The following FAM3D variants were observed in gnomAD, a reference collection of about 807,000 sequenced individuals.
FAM3D encodes protein FAM3D.
FAM3D carries 26 observed loss-of-function variants against 29.8 expected under a neutral mutation model. The ratio of observed to expected loss-of-function variants is 0.87; its 90% CI spans 0.64 to 1.21. The LOEUF (loss-of-function observed/expected upper bound fraction) is 1.21. Ranked by LOEUF, FAM3D falls within the 50% of genes most tolerant of loss-of-function variation. The probability of loss-of-function intolerance (pLI) is 0.00; values close to 1 mark genes in which losing one functional copy is unlikely to be tolerated. For missense variants in FAM3D, 253 were observed against 290.9 expected (o/e 0.87, Z 0.95); for synonymous variants, 115 against 102.3 (o/e 1.12, Z -0.75).
At chr3:58,640,239 C>A in intron 6 of FAM3D, 62 bp from the exon 7 acceptor site, 2 of 1,554,572 alleles carry the variant, frequency 1.3e-6, no homozygotes, top group Non-Finnish European at 8.9e-7. Flanking sequence ...TGTCGTTCTG[C>A]TGAAAATGCC....
At chr3:58,653,513 C>T (rs1456099329) in intron 3 of FAM3D, among the ~76,000 whole-genome samples, 161 bp downstream of exon 3, 2 of 152,228 alleles carry the variant, frequency 1.3e-5, no homozygotes, top group Non-Finnish European at 2.9e-5. Context: ...TCCACCCTTC[C>T]TGGTAGTCTG....
chr3:58,656,481 G>A (rs139240962), intron 1 of FAM3D, among the ~76,000 whole-genome samples: 1 of 152,184 alleles, frequency 6.6e-6, no homozygotes, highest in Non-Finnish European at 1.5e-5. Context: ...TCAGTTCTGA[G>A]CAGGGCAGGG....
chr3:58,656,901 G>A (rs1413173385), intron 1 of FAM3D, among the ~76,000 whole-genome samples: 1 of 152,100 alleles, frequency 6.6e-6, no homozygotes, highest in African/African-American at 2.4e-5. Flanking sequence ...AGTCCTTAAT[G>A]TTTAAGCAAC....
At chr3:58,666,153 G>T (rs550332403) in intron 1 of FAM3D, among the ~76,000 whole-genome samples, 27 of 151,982 alleles carry the variant, frequency 1.8e-4, no homozygotes, top group African/African-American at 5.3e-4. Context: ...GTGTTTTTTT[G>T]AATCAATAGA....
intron 1 of FAM3D, 81 bp downstream of exon 1, chr3:58,666,495 C>G (rs1320619193): frequency 6.6e-6 from 1 of 152,186 alleles, no homozygotes; most frequent in Non-Finnish European, 1.5e-5. Context: ...TCCTATTTCC[C>G]ACCCTCCCCA....
At chr3:58,651,155 T>C (rs1329094125) in intron 3 of FAM3D, among the ~76,000 whole-genome samples, 1 of 152,216 alleles carries the variant, frequency 6.6e-6, no homozygotes, top group Admixed American at 6.5e-5. Flanking sequence ...TCACTTCCCT[T>C]GAGACACTTA....
intron 7 of FAM3D, 88 bp downstream of exon 7, chr3:58,640,039 G>C (rs955822389): frequency 1.2e-5 from 17 of 1,442,792 alleles, no homozygotes; most frequent in East Asian, 4.5e-5. Context: ...CAGGTACCTC[G>C]AGCCACCAGG....
rs147938012 is a variant in FAM3D, at chr3:58,663,001, C to T, written c.-39+3575G>A. ...GCAACCTCCGCCTCCCGAGTTCAAG[C>T]GATTCTCCTGCCTCAGCCTCCCCAG... is the stretch of plus-strand genomic sequence containing the variant. On this transcript the variant is annotated intron_variant, in intron 1 of 9. Coordinates refer to ENST00000358781, the MANE Select transcript of FAM3D (RefSeq NM_138805.3). Among the ~76,000 whole-genome samples, 1,019 of 152,336 alleles carry T rather than the reference C, an allele frequency of 6.7e-3. 20 individuals are homozygous for T. The highest frequency in any genetic ancestry group is 0.044 in the Admixed American group (678 of 15,302).
chr3:58,666,347 CA>C (rs1428851612), intron 1 of FAM3D, among the ~76,000 whole-genome samples: 2 of 152,210 alleles, frequency 1.3e-5, no homozygotes, highest in African/African-American at 2.4e-5. Context: ...TCCTTTTTAT[CA>C]CAGTCTAATT....
At chr3:58,638,534 G>A (rs2066239463) in intron 7 of FAM3D, among the ~76,000 whole-genome samples, 1 of 152,210 alleles carries the variant, frequency 6.6e-6, no homozygotes, top group East Asian at 1.9e-4. Flanking sequence ...TAGCAGGATT[G>A]GCAGCATAAT....
At chr3:58,659,885 T>C (rs1439086354) in intron 1 of FAM3D, among the ~76,000 whole-genome samples, 1 of 152,234 alleles carries the variant, frequency 6.6e-6, no homozygotes, top group Non-Finnish European at 1.5e-5. Flanking sequence ...TAGTCTCTTC[T>C]GGAAATCCAA....
chr3:58,655,592 C>A lies in FAM3D; in HGVS notation c.-29G>T, dbSNP rs2106913469. Reference sequence around the variant, plus strand: ...GTCCAGGTGAAGGGTGGCTTGGGGTCAGCTTCCACCTATGGAGAGAAGAAA... The same window carrying A: ...GTCCAGGTGAAGGGTGGCTTGGGGTAAGCTTCCACCTATGGAGAGAAGAAA... On this transcript the variant is annotated 5_prime_UTR_variant, in exon 2 of 10. Coordinates refer to ENST00000358781, the MANE Select transcript of FAM3D (RefSeq NM_138805.3). 6.2e-7 allele frequency: 1 copy of A among 1,612,304 alleles called. No individual in the cohort carries two copies. The highest frequency in any genetic ancestry group is 8.5e-7 in the Non-Finnish European group (1 of 1,179,116).
chr3:58,639,987 C>T, intron 7 of FAM3D, 140 bp downstream of exon 7: 1 of 833,892 alleles, frequency 1.2e-6, no homozygotes, highest in Non-Finnish European at 2.0e-6. Flanking sequence ...CCTCAACCCC[C>T]CACCGCACCT....
At chr3:58,649,910 C>A (rs1480558457) in intron 3 of FAM3D, among the ~76,000 whole-genome samples, 57 of 152,202 alleles carry the variant, frequency 3.7e-4, no homozygotes, top group Non-Finnish European at 2.9e-5. Context: ...GGAGGGGACC[C>A]AGTGAGATCA....
Position 58,634,545 on chromosome 3 carries a change from G to A in FAM3D, c.586-177C>T. The A allele has an allele frequency of 5.1e-6, 3 of 587,400 alleles. No homozygotes were observed. 36.4% of individuals were successfully genotyped at this position (587,400 alleles called of 1,614,324 possible). ...GCAACTTGCTCAAGATCTCAGAGAT[G>A]GGATCAGAGCCCAGTTAACTGCTCT... On this transcript the variant is annotated intron_variant, in intron 9 of 9. Coordinates refer to ENST00000358781, the MANE Select transcript of FAM3D (RefSeq NM_138805.3). This position sits in a 1 kb window ranked among gnomAD's most constrained non-coding sequence, Gnocchi z 4.6.
chr3:58,637,882 A>ATTATTATTATTT (rs2066219301), intron 7 of FAM3D, among the ~76,000 whole-genome samples: 1 of 150,128 alleles, frequency 6.7e-6, no homozygotes, highest in Admixed American at 6.6e-5. Flanking sequence ...CCTTGTGATT[A>ATTATTATTATTT]TTATTATTAT....
intron 8 of FAM3D, 151 bp downstream of exon 8, chr3:58,636,990 T>G: frequency 1.5e-6 from 1 of 685,470 alleles, no homozygotes; most frequent in Non-Finnish European, 2.5e-6. Flanking sequence ...ATGAACCTCC[T>G]AGAACATTTC....
At chr3:58,661,824 G>A (rs1035092616) in intron 1 of FAM3D, among the ~76,000 whole-genome samples, 2 of 152,200 alleles carry the variant, frequency 1.3e-5, no homozygotes, top group African/African-American at 4.8e-5. Flanking sequence ...AGGCTTTCTT[G>A]CCCTCTCCCT....
In FAM3D at chr3:58,633,960, A is replaced by C; in HGVS notation, c.*319T>G. The C allele has an allele frequency of 3.3e-6, 1 of 298,802 alleles. No homozygotes were observed. The highest frequency in any genetic ancestry group is 7.5e-5 in the East Asian group (1 of 13,338). 18.5% of individuals were successfully genotyped at this position (298,802 alleles called of 1,614,324 possible). On this transcript the variant is annotated 3_prime_UTR_variant, in exon 10 of 10. Transcript: ENST00000358781. ...CAGAAAGCTCATTCAAAACCAGCAA[A>C]AATAAAATTTAATTGGGCTCAAGTC...
Sources: allele counts gnomAD v4.1 joint callset (sites outside exome capture counted in the v4.1 genomes callset), GRCh38; gene constraint gnomAD v4.1.1; non-coding constraint Gnocchi (gnomAD v3.1); transcripts MANE v1.5; gene names NCBI Gene and HGNC (gene_info 2026-07-23, HGNC 2026-07-21).